DGKB: variants seen among roughly 807,000 people sequenced by gnomAD.
The protein encoded by DGKB is 90 kDa diacylglycerol kinase.
In DGKB, 67 loss-of-function variants were observed where a neutral mutation model predicts 114.3. The ratio of observed to expected loss-of-function variants is 0.59; its 90% CI spans 0.48 to 0.72. The LOEUF is 0.72. Ranked by LOEUF, DGKB falls within the 30% of genes least tolerant of loss-of-function variation. The pLI is 0.00. For missense variants in DGKB, 907 were observed against 975.2 expected (o/e 0.93, Z 0.93); for synonymous variants, 398 against 323.1 (o/e 1.23, Z -2.49).
chr7:14,799,659 G>C (rs920507687), intron 2 of DGKB, among the ~76,000 whole-genome samples: 9 of 152,118 alleles, frequency 5.9e-5, no homozygotes, highest in Admixed American at 4.6e-4. Flanking sequence ...GATTTTAGAA[G>C]GAACATAGTC....
At chr7:14,274,821 C>A (rs754965778) in intron 23 of DGKB, among the ~76,000 whole-genome samples, 1 of 148,154 alleles carries the variant, frequency 6.7e-6, no homozygotes, top group Non-Finnish European at 1.5e-5. Flanking sequence ...CATAGAGGCT[C>A]CACCTTCATT....
chr7:14,782,365 T>C (rs773043276), intron 2 of DGKB, among the ~76,000 whole-genome samples: 3 of 152,212 alleles, frequency 2.0e-5, no homozygotes, highest in African/African-American at 4.8e-5. Flanking sequence ...ATGAATACTA[T>C]GATTGCACTA....
At chr7:14,627,586 C>CTG (rs111786359) in intron 14 of DGKB, among the ~76,000 whole-genome samples, 47,886 of 148,980 alleles carry the variant, frequency 0.32, 7,831 homozygotes, top group East Asian at 0.66. Context: ...ATGTCTGTGT[C>CTG]TGTGTGTGTG....
chr7:14,271,976 A>C (rs1412121021), intron 23 of DGKB, among the ~76,000 whole-genome samples: 1 of 152,190 alleles, frequency 6.6e-6, no homozygotes, highest in African/African-American at 2.4e-5. Flanking sequence ...TCATTCACAC[A>C]ATAATTGTAC....
At chr7:14,722,943 G>C (rs1019473211) in intron 5 of DGKB, among the ~76,000 whole-genome samples, 1 of 151,762 alleles carries the variant, frequency 6.6e-6, no homozygotes, top group Admixed American at 6.6e-5. Context: ...TCTGAAAGCA[G>C]ACCCTGGTCC....
At chr7:14,338,445 CTT>C in intron 23 of DGKB, 68 bp downstream of exon 23, 1 of 963,024 alleles carries the variant, frequency 1.0e-6, no homozygotes. Flanking sequence ...ACGGAAGACT[CTT>C]TACTTTTAAA....
In DGKB at chr7:14,476,996, C is replaced by T. The variant is rs1258165499; in HGVS notation, c.1835+1165G>A. On this transcript the variant is annotated intron_variant, in intron 21 of 25. Transcript: ENST00000402815. ...CGAACTCCCGACCTCATGATCTGCC[C>T]GCCTTGGCCTCCCAAAGTGCTGGGA... 3.3e-5 allele frequency among the ~76,000 whole-genome samples: 5 copies of T among 151,974 alleles called. No individual in the cohort carries two copies. In the South Asian group the frequency reaches 8.3e-4, roughly 25 times the overall value.
At chr7:14,564,102 T>G (rs1797055454) in intron 20 of DGKB, among the ~76,000 whole-genome samples, 1 of 152,170 alleles carries the variant, frequency 6.6e-6, no homozygotes, top group Non-Finnish European at 1.5e-5. Flanking sequence ...AGGCAGAAGC[T>G]GAGAGCTGAA....
At chr7:14,697,746 A>AAGAAAGAC (rs1160185333) in intron 8 of DGKB, among the ~76,000 whole-genome samples, 13 of 139,592 alleles carry the variant, frequency 9.3e-5, no homozygotes, top group Non-Finnish European at 1.7e-4. Flanking sequence ...AGAAGGAGGA[A>AAGAAAGAC]AGAAAGAAAG....
rs1482878485 is a variant in DGKB, at chr7:14,553,238, A to G, written c.1770+20974T>C. The stretch of plus-strand genomic sequence containing the variant: ...TGCACATGCTTTGTCACTTTCCTTT[A>G]TAGTACCCTGTATCTTTTCCTTCAA... On this transcript the variant is annotated intron_variant, in intron 20 of 25. Transcript: ENST00000402815. 2.0e-5 allele frequency among the ~76,000 whole-genome samples: 3 copies of G among 152,350 alleles called. 1 individual carries two copies. The highest frequency in any genetic ancestry group is 3.9e-4 in the East Asian group (2 of 5,184).
At chr7:14,664,980 T>C (rs571362899) in intron 13 of DGKB, among the ~76,000 whole-genome samples, 1 of 152,040 alleles carries the variant, frequency 6.6e-6, no homozygotes, top group East Asian at 1.9e-4. Flanking sequence ...GCAGATATTG[T>C]GTATAAAAAT....
chr7:14,838,193 AT>A (rs1847417082), intron 2 of DGKB, among the ~76,000 whole-genome samples: 1 of 152,164 alleles, frequency 6.6e-6, no homozygotes, highest in African/African-American at 2.4e-5. Flanking sequence ...GTACCTCCAT[AT>A]TCATTAGCCA....
intron 20 of DGKB, among the ~76,000 whole-genome samples, chr7:14,485,122 ACAC>A (rs1783593903): frequency 6.7e-6 from 1 of 150,208 alleles, no homozygotes; most frequent in African/African-American, 2.5e-5. Context: ...ACACACACAC[ACAC>A]ACACACACAC....
chr7:14,821,091 A>C (rs1347216706), intron 2 of DGKB, among the ~76,000 whole-genome samples: 2 of 152,168 alleles, frequency 1.3e-5, no homozygotes, highest in African/African-American at 2.4e-5. Context: ...ATTCACATTT[A>C]AGTCAATAAC....
intron 20 of DGKB, among the ~76,000 whole-genome samples, chr7:14,520,613 T>C (rs1235599928): frequency 6.6e-6 from 1 of 152,074 alleles, no homozygotes; most frequent in Admixed American, 6.6e-5. Flanking sequence ...ATTTAATTTT[T>C]ACTCTTTGTT....
chr7:14,539,067 T>C (rs1265421535), intron 20 of DGKB, among the ~76,000 whole-genome samples: 1 of 152,144 alleles, frequency 6.6e-6, no homozygotes, highest in Non-Finnish European at 1.5e-5. Context: ...ATTACAAAAT[T>C]GAGCACTATG....
chr7:14,535,135 C>T (rs1399843649), intron 20 of DGKB, among the ~76,000 whole-genome samples: 1 of 151,902 alleles, frequency 6.6e-6, no homozygotes, highest in African/African-American at 2.4e-5. Flanking sequence ...TTTGGAAGGC[C>T]AAAGTAGCAG....
intron 22 of DGKB, among the ~76,000 whole-genome samples, chr7:14,342,300 T>C (rs907453603): frequency 1.3e-4 from 19 of 151,894 alleles, no homozygotes; most frequent in African/African-American, 4.1e-4. Flanking sequence ...ATCTATAGAA[T>C]AGGCTTTCTT....
At chr7:14,653,965 GA>G (rs144839828) in intron 13 of DGKB, among the ~76,000 whole-genome samples, 3,922 of 152,006 alleles carry the variant, frequency 0.026, 66 homozygotes, top group South Asian at 0.05. Context: ...TTTTCTACAA[GA>G]ACTGGAATAG....
Sources: allele counts gnomAD v4.1 joint callset (sites outside exome capture counted in the v4.1 genomes callset), GRCh38; gene constraint gnomAD v4.1.1; transcripts MANE v1.5; gene names NCBI Gene and HGNC (gene_info 2026-07-23, HGNC 2026-07-21).